The following SERGEF variants were observed in gnomAD, a reference collection of about 807,000 sequenced individuals.
The protein encoded by SERGEF is secretion-regulating guanine nucleotide exchange factor.
A neutral mutation model predicts 50.0 loss-of-function variants in SERGEF; 51 were observed. The observed-to-expected ratio is 1.02, with a 90% CI of 0.81 to 1.29. SERGEF has a LOEUF of 1.29. Among genes scored for constraint, SERGEF ranks in the 50% most tolerant of loss-of-function variants. SERGEF has a pLI of 0.00. For missense variants in SERGEF, 521 were observed against 557.0 expected (o/e 0.94, Z 0.65); for synonymous variants, 205 against 212.4 (o/e 0.97, Z 0.30).
chr11:17,826,795 T>C (rs1850204423), intron 10 of SERGEF, among the ~76,000 whole-genome samples: 1 of 152,164 alleles, frequency 6.6e-6, no homozygotes. Context: ...TGTGAAAGAA[T>C]TTAAGTGTTC....
intron 8 of SERGEF, among the ~76,000 whole-genome samples, chr11:17,969,615 G>T (rs1440126004): frequency 6.6e-6 from 1 of 152,104 alleles, no homozygotes; most frequent in African/African-American, 2.4e-5. Flanking sequence ...TAAAAGAGGG[G>T]AATGATCTGC....
rs142744692 is a variant in SERGEF, at chr11:17,972,022, C to T, written c.845-12386G>A. On this transcript the variant is annotated intron_variant, in intron 8 of 10. Coordinates refer to ENST00000265965, the MANE Select transcript of SERGEF (RefSeq NM_012139.4). Reference sequence around the variant, plus strand: ...AAACAGCAATACAACTAGAATTATACGTAGAGCCTAAAGAGGTGACTGAGT... The same window carrying T: ...AAACAGCAATACAACTAGAATTATATGTAGAGCCTAAAGAGGTGACTGAGT... 4.8e-3 allele frequency among the ~76,000 whole-genome samples: 731 copies of T among 152,274 alleles called. 8 individuals are homozygous for T. Among genetic ancestry groups the T allele is most frequent in the African/African-American group, 0.016 (671 of 41,556 alleles).
intron 8 of SERGEF, among the ~76,000 whole-genome samples, chr11:17,983,979 AG>A (rs1853545644): frequency 6.6e-6 from 1 of 152,228 alleles, no homozygotes; most frequent in Non-Finnish European, 1.5e-5. Context: ...CAGATTGGAT[AG>A]GGATCAAGAA....
At chr11:17,900,172 A>G (rs1851723225) in intron 9 of SERGEF, among the ~76,000 whole-genome samples, 1 of 151,994 alleles carries the variant, frequency 6.6e-6, no homozygotes, top group South Asian at 2.1e-4. Context: ...CTAGAAACAG[A>G]CGGCCTGAGT....
chr11:17,959,438 A>G (rs1590218955), intron 9 of SERGEF, 32 bp downstream of exon 9: 1 of 1,595,520 alleles, frequency 6.3e-7, no homozygotes, highest in East Asian at 2.2e-5. Flanking sequence ...AGAAAAAGGG[A>G]CAGATTACAT....
chr11:17,821,083 G>A (rs1850072316), intron 10 of SERGEF, among the ~76,000 whole-genome samples: 1 of 152,118 alleles, frequency 6.6e-6, no homozygotes, highest in African/African-American at 2.4e-5. Context: ...GCAGGGTCAG[G>A]GTTTTTGCAG....
At chr11:17,935,798 A>G (rs1852439775) in intron 9 of SERGEF, among the ~76,000 whole-genome samples, 1 of 152,190 alleles carries the variant, frequency 6.6e-6, no homozygotes, top group East Asian at 1.9e-4. Context: ...CCCTGCCCCC[A>G]TGGTACTTAC....
At chr11:17,926,862 C>A in intron 9 of SERGEF, 1 of 456,166 alleles carries the variant, frequency 2.2e-6, no homozygotes, top group South Asian at 1.5e-5. Flanking sequence ...ATGTAATGGG[C>A]ACACAACAAA....
At chr11:17,962,149 T>G (rs1853016219) in intron 8 of SERGEF, among the ~76,000 whole-genome samples, 1 of 152,156 alleles carries the variant, frequency 6.6e-6, no homozygotes, top group Admixed American at 6.5e-5. Context: ...CTGACAAAAC[T>G]TGGCTGATGA....
At chr11:17,960,139 T>C (rs74606747) in intron 8 of SERGEF, among the ~76,000 whole-genome samples, 2,743 of 152,176 alleles carry the variant, frequency 0.018, 82 homozygotes, top group African/African-American at 0.062. Flanking sequence ...CCCCTCCTTG[T>C]AACATAAAGG....
intron 10 of SERGEF, among the ~76,000 whole-genome samples, chr11:17,829,696 A>AG (rs1474129867): frequency 6.6e-6 from 1 of 152,224 alleles, no homozygotes; most frequent in East Asian, 1.9e-4. Flanking sequence ...GCTGTGAAAA[A>AG]GTAAACCTAC....
At chr11:17,988,429 G>C (rs1439903344) in intron 8 of SERGEF, among the ~76,000 whole-genome samples, 168 bp downstream of exon 8, 1 of 152,146 alleles carries the variant, frequency 6.6e-6, no homozygotes, top group African/African-American at 2.4e-5. Context: ...GTGACTCTGA[G>C]AGGAAAAGCC....
At chr11:18,012,777 C>T in intron 1 of SERGEF, 174 bp downstream of exon 1, 3 of 1,056,798 alleles carry the variant, frequency 2.8e-6, no homozygotes, top group Non-Finnish European at 4.1e-6. Context: ...CCTTCCTTCC[C>T]CGCCCGCCCG....
At chr11:17,993,806 G>A (rs2134001212) in intron 6 of SERGEF, among the ~76,000 whole-genome samples, 1 of 152,212 alleles carries the variant, frequency 6.6e-6, no homozygotes, top group East Asian at 1.9e-4. Context: ...AGGTGAGGAG[G>A]GAACAGCCCG....
intron 9 of SERGEF, among the ~76,000 whole-genome samples, chr11:17,897,282 A>G (rs992969688): frequency 6.6e-6 from 1 of 152,226 alleles, no homozygotes; most frequent in Admixed American, 6.5e-5. Flanking sequence ...AATCTGAACA[A>G]GCTTAGAAGC....
At chr11:17,970,224 G>A (rs1270294298) in intron 8 of SERGEF, among the ~76,000 whole-genome samples, 2 of 152,086 alleles carry the variant, frequency 1.3e-5, no homozygotes, top group African/African-American at 4.8e-5. Flanking sequence ...TGACATTTTG[G>A]TAATTTTTGC....
Position 17,849,055 on chromosome 11 carries a change from C to T in SERGEF, c.1048+29153G>A, listed in dbSNP as rs145324987. Reference sequence around the variant, plus strand: ...TGAAATAATATCTATTCACCCAATGCTTCCAATCAATTCTAAGTATTTTAG... The same window carrying T: ...TGAAATAATATCTATTCACCCAATGTTTCCAATCAATTCTAAGTATTTTAG... On this transcript the variant is annotated intron_variant, in intron 10 of 10. Transcript: ENST00000265965. 4.5e-3 allele frequency among the ~76,000 whole-genome samples: 682 copies of T among 152,312 alleles called. 4 individuals are homozygous for T. Among genetic ancestry groups the T allele is most frequent in the African/African-American group, 0.016 (645 of 41,568 alleles).
intron 8 of SERGEF, among the ~76,000 whole-genome samples, chr11:17,988,324 C>T (rs211123): frequency 0.94 from 143,638 of 152,296 alleles, 68,318 homozygotes; most frequent in South Asian, 1. Context: ...TTCTGGATGA[C>T]GCTTGCTGCA....
chr11:17,978,260 C>A (rs1853420493), intron 8 of SERGEF, among the ~76,000 whole-genome samples: 1 of 152,056 alleles, frequency 6.6e-6, no homozygotes, highest in African/African-American at 2.4e-5. Flanking sequence ...CCTGCCCTAA[C>A]CTGATCCCCT....
Sources: gnomAD v4.1 joint callset for allele counts (sites outside exome capture counted in the v4.1 genomes callset) on GRCh38, gnomAD v4.1.1 for gene constraint, MANE v1.5 for transcripts, NCBI Gene and HGNC (gene_info 2026-07-23, HGNC 2026-07-21) for gene names.